CARD9: variants seen among roughly 807,000 people sequenced by gnomAD.
The protein encoded by CARD9 is caspase recruitment domain family member 9.
A neutral mutation model predicts 66.0 loss-of-function variants in CARD9; 53 were observed. The observed-to-expected ratio is 0.80, with a 90% CI of 0.64 to 1.01. The LOEUF is 1.01. Among genes scored for constraint, CARD9 ranks in the 50% least tolerant of loss-of-function variants. The pLI is 0.00. For synonymous variants in CARD9, 387 were observed against 313.8 expected (o/e 1.23, Z -2.47); for missense variants, 769 against 743.2 (o/e 1.03, Z -0.40).
chr9:136,371,580 T>TGGGTCTTGGATGAGGTACCCTGC, intron 2 of CARD9, 119 bp from the exon 3 acceptor site: 2 of 1,447,012 alleles, frequency 1.4e-6, no homozygotes, highest in South Asian at 2.7e-5. Context: ...TGCCGTGGTC[T>TGGGTCTTGGATGAGGTACCCTGC]GGGTCTTGGA....
chr9:136,366,744 G>T, intron 10 of CARD9, 56 bp downstream of exon 10: 1 of 1,579,778 alleles, frequency 6.3e-7, no homozygotes, highest in Non-Finnish European at 8.7e-7. Flanking sequence ...TGCTGAAGAT[G>T]GGCCTCACTT....
chr9:136,366,670 G>A (rs867959081), intron 10 of CARD9, 130 bp downstream of exon 10: 2 of 998,542 alleles, frequency 2.0e-6, no homozygotes, highest in South Asian at 1.3e-5. Context: ...CCCAGCCCCA[G>A]TTTCCCTGTC....
chr9:136,364,178 A>AT lies in CARD9; in HGVS notation c.*123dup, dbSNP rs1281661623. On this transcript the variant is annotated 3_prime_UTR_variant, in exon 13 of 13. Transcript: ENST00000371732. ...CCGGCTGGGCCTTTCAGGGCACCAG[A>AT]TTCCTCGTTCCAGGCCAAGTCAGCG... 1 of 1,550,516 alleles carries AT rather than the reference A, an allele frequency of 6.4e-7. No individual in the cohort carries two copies. Among genetic ancestry groups the AT allele is most frequent in the Non-Finnish European group, 8.7e-7 (1 of 1,146,824 alleles).
At position 136,364,339 on chromosome 9, in the gene CARD9, G is replaced by A. The variant is rs1425733902; in HGVS notation, c.1574C>T (p.Thr525Ile). ...WRQGEEDREN[T>I]TGSDNTDTEG... The stretch of plus-strand genomic sequence containing the variant: ...AGTGTCGGTGTTGTCGCTGCCCGTG[G>A]TGTTCTCCCGGTCCTCCTCCCCCTG... The change falls in exon 13 of 13, where the codon ACC becomes ATC. Residue 525 changes from threonine to isoleucine, a missense_variant. Thr to Ile is a moderately conservative substitution (Grantham distance 89, BLOSUM62 -1). Transcript: ENST00000371732. 1 of 1,567,746 alleles carries A rather than the reference G, an allele frequency of 6.4e-7. No individual in the cohort carries two copies.
intron 12 of CARD9, 32 bp from the exon 13 acceptor site, chr9:136,364,433 G>T: frequency 6.5e-7 from 1 of 1,541,674 alleles, no homozygotes. Context: ...GCGCGACCCG[G>T]CTGCCGCTCC....
chr9:136,365,233 G>C lies in CARD9; in HGVS notation c.1358-16C>G. On this transcript the variant is annotated splice_polypyrimidine_tract_variant and intron_variant, in intron 10 of 12. Coordinates refer to ENST00000371732, the MANE Select transcript of CARD9 (RefSeq NM_052813.5). ...GCAAGGCAGCCTGGAAAGGAGAGTC[G>C]TGCCTGTGGGACCTGCCCATCTGCT... 6.2e-7 allele frequency: 1 copy of C among 1,605,136 alleles called. No homozygotes were observed. The highest frequency in any genetic ancestry group is 8.5e-7 in the Non-Finnish European group (1 of 1,179,492).
chr9:136,364,162 C>T lies in CARD9; in HGVS notation c.*140G>A, dbSNP rs1468874495. 7 of 1,550,418 alleles carry T rather than the reference C, an allele frequency of 4.5e-6. No homozygotes were observed. The highest frequency in any genetic ancestry group is 2.0e-5 in the Admixed American group (1 of 50,990). Reference sequence around the variant, plus strand: ...CCCAATGCCCGGCAGTCCGGCTGGGCCTTTCAGGGCACCAGATTCCTCGTT... The same window carrying T: ...CCCAATGCCCGGCAGTCCGGCTGGGTCTTTCAGGGCACCAGATTCCTCGTT... On this transcript the variant is annotated 3_prime_UTR_variant, in exon 13 of 13. Transcript: ENST00000371732.
At chr9:136,368,378 G>A (rs2131439197) in intron 7 of CARD9, among the ~76,000 whole-genome samples, 1 of 152,352 alleles carries the variant, frequency 6.6e-6, no homozygotes, top group Non-Finnish European at 1.5e-5. Context: ...CCCGCCCTGG[G>A]AGCCACACCA....
intron 1 of CARD9, 146 bp downstream of exon 1, chr9:136,373,386 C>T (rs79972325): frequency 0.028 from 12,853 of 458,628 alleles, 217 homozygotes; most frequent in Middle Eastern, 0.072. Flanking sequence ...GCCCAGGGGC[C>T]GTGAAAGGGA....
At chr9:136,367,562 G>T in intron 8 of CARD9, 75 bp downstream of exon 8, 2 of 1,479,134 alleles carry the variant, frequency 1.4e-6, no homozygotes, top group Non-Finnish European at 1.8e-6. Context: ...GGAAGGCCGG[G>T]GCTGAGGCTC....
chr9:136,367,213 C>T lies in CARD9; in HGVS notation c.1311+3G>A. 6.2e-7 allele frequency: 1 copy of T among 1,612,330 alleles called. No homozygotes were observed. Among genetic ancestry groups the T allele is most frequent in the South Asian group, 1.1e-5 (1 of 90,838 alleles). On this transcript the variant is annotated splice_donor_region_variant and intron_variant, in intron 9 of 12. Transcript: ENST00000371732. ...GCCTCGTGCTGGCTGGGGTCTCACT[C>T]ACCTCCTGGGACCTCCTGGGTGAGC... is the stretch of plus-strand genomic sequence containing the variant.
chr9:136,368,012 A>G, intron 7 of CARD9, 184 bp from the exon 8 acceptor site: 1 of 1,418,424 alleles, frequency 7.1e-7, no homozygotes, highest in Non-Finnish European at 9.2e-7. Context: ...GGGATTGTAA[A>G]TGTGACAGTT....
intron 10 of CARD9, chr9:136,366,480 C>A: frequency 2.2e-6 from 1 of 461,000 alleles, no homozygotes; most frequent in Non-Finnish European, 4.0e-6. Flanking sequence ...CCCGTGGGGG[C>A]TGCCCAGAGG....
At chr9:136,373,313 TC>T (rs1334003249) in intron 1 of CARD9, among the ~76,000 whole-genome samples, 3 of 152,314 alleles carry the variant, frequency 2.0e-5, no homozygotes, top group Middle Eastern at 3.4e-3. Flanking sequence ...CTTTCCTGCT[TC>T]CCCAGCTTGA....
At chr9:136,368,901 C>T (rs184505945) in intron 7 of CARD9, among the ~76,000 whole-genome samples, 1 of 152,190 alleles carries the variant, frequency 6.6e-6, no homozygotes, top group Non-Finnish European at 1.5e-5. Context: ...CTCACTGCAA[C>T]CTCTGCCTCC....
rs1043128646 is a variant in CARD9, at chr9:136,370,938, C to T, written c.530G>A (p.Arg177His). The T allele has an allele frequency of 5.6e-6, 9 of 1,612,000 alleles. No individual in the cohort carries two copies. Among genetic ancestry groups the T allele is most frequent in the Admixed American group, 1.7e-5 (1 of 59,902 alleles). Residue 177 changes from arginine to histidine, a missense_variant, in exon 4 of 13, where the codon CGC becomes CAC. Coordinates refer to ENST00000371732, the MANE Select transcript of CARD9 (RefSeq NM_052813.5). ...ECEAGSRELK[R>H]CKEENYDLAM... ...CAGGTCGTAGTTCTCCTCCTTGCAG[C>T]GCTTGAGCTCGCGGCTGCCGGCCTC...
At position 136,364,239 on chromosome 9, in the gene CARD9, A is replaced by C; in HGVS notation, c.*63T>G. The C allele has an allele frequency of 7.7e-6, 12 of 1,549,988 alleles. No homozygotes were observed. The highest frequency in any genetic ancestry group is 3.3e-4 in the Middle Eastern group (2 of 5,988). Reference sequence around the variant, plus strand: ...GAAGTCTGCGCCCCAGGGCGTCGGCACCCCCGGGTGGCAGGAGGCCGGGCC... The same window carrying C: ...GAAGTCTGCGCCCCAGGGCGTCGGCCCCCCCGGGTGGCAGGAGGCCGGGCC... On this transcript the variant is annotated 3_prime_UTR_variant, in exon 13 of 13. Coordinates refer to ENST00000371732, the MANE Select transcript of CARD9 (RefSeq NM_052813.5).
At position 136,364,320 on chromosome 9, in the gene CARD9, G is replaced by T; in HGVS notation, c.1593C>A (p.Thr531=). ...GCTGCGGCTAGGAGCCCTCAGTGTC[G>T]GTGTTGTCGCTGCCCGTGGTGTTCT... is the stretch of plus-strand genomic sequence containing the variant. The part of the protein sequence containing the change: ...DRENTTGSDN[T]DTEGS The change falls in exon 13 of 13, where the codon ACC becomes ACA. Residue 531 remains threonine (T), a synonymous_variant. Transcript: ENST00000371732. 6.4e-7 allele frequency: 1 copy of T among 1,561,806 alleles called. No homozygotes were observed. Among genetic ancestry groups the T allele is most frequent in the Non-Finnish European group, 8.7e-7 (1 of 1,153,748 alleles).
chr9:136,366,359 C>T (rs2131435039), intron 10 of CARD9: 1 of 206,264 alleles, frequency 4.8e-6, no homozygotes. Context: ...CGTGGGGCCC[C>T]ATCTCGCCCC....
Sources: gnomAD v4.1 joint callset for allele counts (sites outside exome capture counted in the v4.1 genomes callset) on GRCh38, gnomAD v4.1.1 for gene constraint, MANE v1.5 for transcripts, NCBI Gene and HGNC (gene_info 2026-07-23, HGNC 2026-07-21) for gene names.